The following RCC1 variants were observed in gnomAD, a reference collection of about 807,000 sequenced individuals.
The protein encoded by RCC1 is regulator of chromosome condensation 1, also known as regulator of chromosome condensation.
RCC1 carries 11 observed loss-of-function variants against 44.4 expected under a neutral mutation model. That is an observed-to-expected ratio of 0.25 (90% confidence interval 0.16 to 0.41). The LOEUF (loss-of-function observed/expected upper bound fraction) is 0.41, where lower values mean the gene tolerates loss of function less well. Among genes scored for constraint, RCC1 ranks in the 10% least tolerant of loss-of-function variants. The pLI is 1.00. For missense variants in RCC1, 386 were observed against 547.1 expected (o/e 0.71, Z 2.94); for synonymous variants, 213 against 216.5 (o/e 0.98, Z 0.14).
At chr1:28,526,913 A>T in intron 4 of RCC1, 2 of 776,916 alleles carry the variant, frequency 2.6e-6, no homozygotes, top group Non-Finnish European at 4.5e-6. Flanking sequence ...AAAAAAAAAA[A>T]GAAAGAAATC....
At chr1:28,506,529 A>T (rs764091943) in intron 1 of RCC1, 1 of 249,430 alleles carries the variant, frequency 4.0e-6, no homozygotes, top group Non-Finnish European at 8.1e-6. Context: ...CTTAGGCGGC[A>T]TCGGTCCCAA....
chr1:28,507,419 TAGGGGAG>T (rs2124590980), intron 1 of RCC1: 1 of 518,968 alleles, frequency 1.9e-6, no homozygotes, highest in East Asian at 5.4e-5. Context: ...CCAAGTGGCG[TAGGGGAG>T]CATAGGGCTC....
At chr1:28,523,803 C>G (rs1663457274) in intron 4 of RCC1, among the ~76,000 whole-genome samples, 1 of 152,200 alleles carries the variant, frequency 6.6e-6, no homozygotes, top group Non-Finnish European at 1.5e-5. Context: ...AGCTGTCTAT[C>G]TAAAACAAGG....
chr1:28,536,525 C>A lies in RCC1; in HGVS notation c.937+144C>A. 1.7e-6 allele frequency: 2 copies of A among 1,172,848 alleles called. No individual in the cohort carries two copies. The highest frequency in any genetic ancestry group is 2.4e-6 in the Non-Finnish European group (2 of 832,744). The allele number at this position is 1,172,848 out of a possible 1,614,324, so 72.7% of individuals were successfully genotyped here. A position where few individuals can be genotyped will look rare whatever the true frequency, so the allele number is the denominator to read the frequency against. On this transcript the variant is annotated intron_variant, in intron 11 of 12. Coordinates refer to ENST00000683442, the MANE Select transcript of RCC1 (RefSeq NM_001381865.2). The surrounding 1 kb of genome is among the most constrained non-coding windows in gnomAD (Gnocchi z 4.9). ...ATGGGTCCATGAGAGTCACTCTCAT[C>A]CTCCTAGAGTCCTGGTGTTCTTCCA...
At chr1:28,530,613 C>G (rs1664077135) in intron 5 of RCC1, 6 of 1,601,982 alleles carry the variant, frequency 3.7e-6, no homozygotes, top group Non-Finnish European at 5.1e-6. Flanking sequence ...AAAACCCGAC[C>G]AGGTGGCTCC....
chr1:28,529,372 C>T (rs1029115878), intron 4 of RCC1, among the ~76,000 whole-genome samples: 16 of 151,498 alleles, frequency 1.1e-4, no homozygotes, highest in African/African-American at 3.9e-4. Context: ...TTAGTAGAGA[C>T]GGGGTTTTGC....
chr1:28,514,267 G>A (rs533951709), intron 3 of RCC1, among the ~76,000 whole-genome samples: 150 of 151,504 alleles, frequency 9.9e-4, no homozygotes, highest in Admixed American at 2.2e-3. Flanking sequence ...TGGCTAACAC[G>A]GTGAAACCCC....
At chr1:28,529,064 G>A (rs373049839) in intron 4 of RCC1, among the ~76,000 whole-genome samples, 4 of 144,630 alleles carry the variant, frequency 2.8e-5, no homozygotes, top group African/African-American at 7.7e-5. Context: ...TGGTGGCGAC[G>A]GGGTTTCACC....
chr1:28,514,679 T>C (rs548832775), intron 3 of RCC1, among the ~76,000 whole-genome samples: 2 of 151,640 alleles, frequency 1.3e-5, no homozygotes, highest in South Asian at 2.1e-4. Context: ...GAGAATTGCT[T>C]GAACCTGGGA....
At chr1:28,527,198 C>G in intron 4 of RCC1, 3 of 1,017,870 alleles carry the variant, frequency 2.9e-6, no homozygotes, top group Non-Finnish European at 1.5e-6. Context: ...GCAACTGATG[C>G]TCAGAGTAAC....
At chr1:28,525,193 G>A (rs1385489065) in intron 4 of RCC1, among the ~76,000 whole-genome samples, 1 of 152,170 alleles carries the variant, frequency 6.6e-6, no homozygotes, top group Non-Finnish European at 1.5e-5. Flanking sequence ...GATTTTCACA[G>A]TGCTTTTCCA....
chr1:28,535,212 T>TG, intron 8 of RCC1, 46 bp from the exon 9 acceptor site: 1 of 1,614,178 alleles, frequency 6.2e-7, no homozygotes, highest in Non-Finnish European at 8.5e-7. Context: ...GGCCTAGCCT[T>TG]GGGCCTTACA....
intron 9 of RCC1, 78 bp from the exon 10 acceptor site, chr1:28,535,793 G>C: frequency 6.7e-7 from 1 of 1,490,592 alleles, no homozygotes; most frequent in Non-Finnish European, 9.2e-7. Context: ...TTTTATAATG[G>C]AGGAGAATTA....
At chr1:28,533,700 G>A in intron 7 of RCC1, among the ~76,000 whole-genome samples, 1 of 141,784 alleles carries the variant, frequency 7.1e-6, no homozygotes, top group East Asian at 2.1e-4. Flanking sequence ...AACCTGGGAG[G>A]CGGAGGTTGC....
intron 7 of RCC1, among the ~76,000 whole-genome samples, 188 bp from the exon 8 acceptor site, chr1:28,534,862 C>T (rs899859699): frequency 3.3e-5 from 5 of 152,198 alleles, no homozygotes; most frequent in African/African-American, 4.8e-5. Flanking sequence ...TATTTGCATC[C>T]GCTCTCTGAC....
chr1:28,535,181 G>A lies in RCC1; in HGVS notation c.538+35G>A, dbSNP rs754902191. 3.7e-6 allele frequency: 6 copies of A among 1,613,934 alleles called. No homozygotes were observed. In the Admixed American group the frequency reaches 8.3e-5, roughly 22 times the overall value. The stretch of plus-strand genomic sequence containing the variant: ...GGGGCACTTGCTCAGGGCAGGAGTT[G>A]GAGGACCTTGTTCTGGGGCTGGCCT... On this transcript the variant is annotated intron_variant, in intron 8 of 12. Transcript: ENST00000683442.
At position 28,530,587 on chromosome 1, in the gene RCC1, G is replaced by A. The variant is rs774330469; in HGVS notation, c.73+648G>A. 29 of 1,605,124 alleles carry A rather than the reference G, an allele frequency of 1.8e-5. 1 individual carries two copies. In the Middle Eastern group the frequency reaches 6.6e-4, roughly 37 times the overall value. ...GCTCCTGCCAAGGTGCCTGCGGGCCGAGCCCTCCTGACCAGAAAACCCGAC... is the reference window on the plus strand; with the variant it reads ...GCTCCTGCCAAGGTGCCTGCGGGCCAAGCCCTCCTGACCAGAAAACCCGAC... On this transcript the variant is annotated intron_variant, in intron 5 of 12. Coordinates refer to ENST00000683442, the MANE Select transcript of RCC1 (RefSeq NM_001381865.2).
At chr1:28,514,189 G>T (rs1662730606) in intron 3 of RCC1, among the ~76,000 whole-genome samples, 1 of 151,350 alleles carries the variant, frequency 6.6e-6, no homozygotes, top group Non-Finnish European at 1.5e-5. Context: ...GGTGGCTCAC[G>T]CCTGTTATCC....
At chr1:28,525,436 T>C (rs376408716) in intron 4 of RCC1, among the ~76,000 whole-genome samples, 1 of 152,158 alleles carries the variant, frequency 6.6e-6, no homozygotes, top group Admixed American at 6.6e-5. Flanking sequence ...TCAGTCTTGA[T>C]GACAGCCCTG....
Sources: allele counts gnomAD v4.1 joint callset (sites outside exome capture counted in the v4.1 genomes callset), GRCh38; gene constraint gnomAD v4.1.1; non-coding constraint Gnocchi (gnomAD v3.1); transcripts MANE v1.5; gene names NCBI Gene and HGNC (gene_info 2026-07-23, HGNC 2026-07-21).